Variants in STK32A observed in about 807,000 individuals in gnomAD.
STK32A encodes the protein serine/threonine kinase 32A.
A neutral mutation model predicts 53.2 loss-of-function variants in STK32A; 41 were observed. The observed-to-expected ratio is 0.77, with a 90% CI of 0.60 to 1.00. The LOEUF is 1.00. Among genes scored for constraint, STK32A ranks in the 50% least tolerant of loss-of-function variants. The pLI is 0.00. For synonymous variants in STK32A, 166 were observed against 162.8 expected (o/e 1.02, Z -0.15); for missense variants, 458 against 485.8 (o/e 0.94, Z 0.54).
chr5:147,280,150 C>T (rs887526912), intron 4 of STK32A, among the ~76,000 whole-genome samples: 7 of 152,032 alleles, frequency 4.6e-5, no homozygotes, highest in Admixed American at 2.0e-4. Context: ...TGCCTGGCAC[C>T]ACAGGGATCC....
intron 2 of STK32A, among the ~76,000 whole-genome samples, chr5:147,251,444 C>A (rs1430267220): frequency 6.6e-6 from 1 of 152,202 alleles, no homozygotes; most frequent in Non-Finnish European, 1.5e-5. Context: ...CATAGCAGGA[C>A]TGGACAGAGG....
At chr5:147,339,388 T>A (rs976875649) in intron 5 of STK32A, among the ~76,000 whole-genome samples, 1 of 152,194 alleles carries the variant, frequency 6.6e-6, no homozygotes, top group Non-Finnish European at 1.5e-5. Context: ...TGCCTAGATG[T>A]CCCGACAGAG....
chr5:147,238,739 TATA>T (rs1328596317), intron 1 of STK32A, among the ~76,000 whole-genome samples: 1 of 152,002 alleles, frequency 6.6e-6, no homozygotes, highest in Non-Finnish European at 1.5e-5. Context: ...TAACTTAATA[TATA>T]ATGAGTTAAG....
At chr5:147,329,308 A>G (rs1352714113) in intron 5 of STK32A, among the ~76,000 whole-genome samples, 4 of 152,222 alleles carry the variant, frequency 2.6e-5, no homozygotes, top group African/African-American at 9.6e-5. Context: ...GGGCTGGAGT[A>G]GCTGCTTATG....
chr5:147,356,871 G>T (rs1280700155), intron 7 of STK32A, among the ~76,000 whole-genome samples: 1 of 152,104 alleles, frequency 6.6e-6, no homozygotes, highest in Non-Finnish European at 1.5e-5. Flanking sequence ...TACTCAACCT[G>T]TACATTTAAA....
chr5:147,378,311 G>T (rs6893528), intron 11 of STK32A, among the ~76,000 whole-genome samples: 3,105 of 152,126 alleles, frequency 0.02, 111 homozygotes, highest in African/African-American at 0.071. Context: ...ATACAGGAAA[G>T]GACAAGAGCA....
chr5:147,296,571 T>G (rs977215258), intron 4 of STK32A, among the ~76,000 whole-genome samples: 1 of 152,134 alleles, frequency 6.6e-6, no homozygotes. Context: ...ATATACCAGT[T>G]AAACTCTACC....
chr5:147,323,715 C>G (rs1038214961), intron 4 of STK32A, among the ~76,000 whole-genome samples, 183 bp from the exon 5 acceptor site: 1 of 151,952 alleles, frequency 6.6e-6, no homozygotes, highest in Non-Finnish European at 1.5e-5. Flanking sequence ...GTTATTATTC[C>G]CATGTGACCC....
intron 10 of STK32A, among the ~76,000 whole-genome samples, chr5:147,373,783 C>T (rs1757110072): frequency 6.6e-6 from 1 of 152,076 alleles, no homozygotes; most frequent in South Asian, 2.1e-4. Context: ...GGACTGATAA[C>T]CAAAGACATA....
intron 6 of STK32A, among the ~76,000 whole-genome samples, chr5:147,350,223 C>T (rs1755902139): frequency 7.1e-6 from 1 of 140,718 alleles, no homozygotes; most frequent in South Asian, 2.3e-4. Flanking sequence ...CTGATGAGGC[C>T]AACCTGAATT....
intron 8 of STK32A, among the ~76,000 whole-genome samples, chr5:147,367,769 G>A (rs997897380): frequency 2.0e-5 from 3 of 152,146 alleles, no homozygotes; most frequent in African/African-American, 7.2e-5. Context: ...CAGGTCACAG[G>A]GGATATGATG....
the STK32A span, among the ~76,000 whole-genome samples, chr5:147,401,000 C>A: frequency 6.6e-6 from 1 of 152,156 alleles, no homozygotes; most frequent in Non-Finnish European, 1.5e-5. Flanking sequence ...TCTTCCCCTC[C>A]CTGGGCTCAG....
intron 4 of STK32A, among the ~76,000 whole-genome samples, chr5:147,301,306 TTC>T (rs1753121476): frequency 6.6e-6 from 1 of 152,006 alleles, no homozygotes; most frequent in Non-Finnish European, 1.5e-5. Flanking sequence ...TATTTTTTTT[TTC>T]CTATAGATAC....
chr5:147,313,436 G>GTGTGGTT (rs1247875177), intron 4 of STK32A, among the ~76,000 whole-genome samples: 1 of 152,188 alleles, frequency 6.6e-6, no homozygotes, highest in African/African-American at 2.4e-5. Context: ...CTATTTCCTA[G>GTGTGGTT]TGTGGTTTGC....
chr5:147,258,556 A>C (rs888205837), intron 2 of STK32A, among the ~76,000 whole-genome samples: 1 of 152,130 alleles, frequency 6.6e-6, no homozygotes, highest in African/African-American at 2.4e-5. Context: ...CACAACTTTC[A>C]CAGACAATTC....
At chr5:147,319,873 C>G (rs904214133) in intron 4 of STK32A, among the ~76,000 whole-genome samples, 1 of 152,078 alleles carries the variant, frequency 6.6e-6, no homozygotes, top group Non-Finnish European at 1.5e-5. Flanking sequence ...TGGACCCTTG[C>G]TGGGGTAGCA....
chr5:147,266,229 G>A (rs1321730290), intron 2 of STK32A, among the ~76,000 whole-genome samples: 1 of 152,154 alleles, frequency 6.6e-6, no homozygotes, highest in Non-Finnish European at 1.5e-5. Flanking sequence ...TTGTGAAGCG[G>A]ATGGAGTCCA....
At chr5:147,335,335 A>G (rs1755065235) in intron 5 of STK32A, among the ~76,000 whole-genome samples, 1 of 152,210 alleles carries the variant, frequency 6.6e-6, no homozygotes, top group African/African-American at 2.4e-5. Flanking sequence ...AAACAATAAA[A>G]GAGATTTATT....
chr5:147,245,513 G>C (rs1351915246), intron 2 of STK32A, among the ~76,000 whole-genome samples: 1 of 151,988 alleles, frequency 6.6e-6, no homozygotes, highest in African/African-American at 2.4e-5. Context: ...AGGTTTTCAG[G>C]CTGATTTAGA....
Sources: gnomAD v4.1 joint callset for allele counts (sites outside exome capture counted in the v4.1 genomes callset) on GRCh38, gnomAD v4.1.1 for gene constraint, MANE v1.5 for transcripts, NCBI Gene and HGNC (gene_info 2026-07-23, HGNC 2026-07-21) for gene names.